The following PHF20 variants were observed in gnomAD, a reference collection of about 807,000 sequenced individuals.
The protein encoded by PHF20 is glioma-expressed antigen 2.
PHF20 carries 23 observed loss-of-function variants against 113.5 expected under a neutral mutation model. That is an observed-to-expected ratio of 0.20 (90% CI 0.15 to 0.29). PHF20 has a LOEUF of 0.29. Ranked by LOEUF, PHF20 falls within the 10% of genes least tolerant of loss-of-function variation. PHF20 has a pLI of 1.00. For synonymous variants in PHF20, 434 were observed against 457.3 expected (o/e 0.95, Z 0.65); for missense variants, 943 against 1,219.6 (o/e 0.77, Z 3.38).
At chr20:35,823,579 A>T (rs2042210197) in intron 2 of PHF20, among the ~76,000 whole-genome samples, 1 of 137,250 alleles carries the variant, frequency 7.3e-6, no homozygotes, top group Non-Finnish European at 1.5e-5. Context: ...GCAAGCTGTG[A>T]TTGTACCGCT....
Position 35,842,565 on chromosome 20 carries a change from TGA to T in PHF20, c.84-7_84-6del. On this transcript the variant is annotated splice_polypyrimidine_tract_variant and splice_region_variant and intron_variant, in intron 2 of 17. Transcript: ENST00000374012. The stretch of plus-strand genomic sequence containing the variant: ...AAAGGAATGCCAATTTTTTTTTTTC[TGA>T]CTCAGGTATCCAGCTCACATAGAAG... 6.3e-7 allele frequency: 1 copy of T among 1,596,656 alleles called. No individual in the cohort carries two copies. The highest frequency in any genetic ancestry group is 1.8e-5 in the Admixed American group (1 of 54,630).
intron 1 of PHF20, among the ~76,000 whole-genome samples, chr20:35,795,777 C>T (rs943271035): frequency 6.6e-6 from 1 of 152,044 alleles, no homozygotes; most frequent in Non-Finnish European, 1.5e-5. Context: ...TTTTCCTCAT[C>T]TTTATAATGG....
intron 7 of PHF20, among the ~76,000 whole-genome samples, chr20:35,870,303 C>CAA (rs1174014648): frequency 6.6e-4 from 35 of 53,132 alleles, no homozygotes; most frequent in East Asian, 7.1e-4. Context: ...GACTCCGTCT[C>CAA]AAAAAAAAAA....
chr20:35,881,617 G>T (rs76827656), intron 9 of PHF20, among the ~76,000 whole-genome samples: 1 of 151,550 alleles, frequency 6.6e-6, no homozygotes, highest in African/African-American at 2.4e-5. Flanking sequence ...CATTACCACA[G>T]TATAATTTTC....
At chr20:35,941,070 C>T in intron 17 of PHF20, 23 bp downstream of exon 17, 1 of 1,602,932 alleles carries the variant, frequency 6.2e-7, no homozygotes, top group Non-Finnish European at 8.5e-7. Flanking sequence ...CATTGGCCCC[C>T]TGTGCATTGG....
chr20:35,859,596 G>A lies in PHF20; in HGVS notation c.420+1215G>A, dbSNP rs2054178893. On this transcript the variant is annotated intron_variant, in intron 5 of 17. Coordinates refer to ENST00000374012, the MANE Select transcript of PHF20 (RefSeq NM_016436.5). Reference sequence around the variant, plus strand: ...GTCTTGTTCTGTTGCCTGGGCTGGTGTGCAGTGGCGCAATCTTGGCCCACT... The same window carrying A: ...GTCTTGTTCTGTTGCCTGGGCTGGTATGCAGTGGCGCAATCTTGGCCCACT... 5.3e-5 allele frequency among the ~76,000 whole-genome samples: 8 copies of A among 151,096 alleles called. No homozygotes were observed. The South Asian group carries it at 1.7e-3, about 32-fold the overall frequency.
intron 5 of PHF20, among the ~76,000 whole-genome samples, chr20:35,859,373 T>C (rs2054174637): frequency 6.6e-6 from 1 of 152,178 alleles, no homozygotes; most frequent in Non-Finnish European, 1.5e-5. Context: ...AATTTGGATA[T>C]TAGTCTTTTT....
intron 6 of PHF20, among the ~76,000 whole-genome samples, 160 bp from the exon 7 acceptor site, chr20:35,869,278 T>C (rs1266056257): frequency 6.6e-6 from 1 of 152,142 alleles, no homozygotes; most frequent in Admixed American, 6.6e-5. Flanking sequence ...CTCATTTTAC[T>C]TTTTTTCTTT....
At position 35,863,217 on chromosome 20, in the gene PHF20, T is replaced by A; in HGVS notation, c.625T>A (p.Ser209Thr). 1 of 1,613,922 alleles carries A rather than the reference T, an allele frequency of 6.2e-7. No homozygotes were observed. Among genetic ancestry groups the A allele is most frequent in the Non-Finnish European group, 8.5e-7 (1 of 1,179,986 alleles). The stretch of plus-strand genomic sequence containing the variant: ...AATCTGTTCTGAAAAGGGGAAAGTG[T>A]CAGAGAAAAGTCTTCCCAAGAACGA... ...KLICSEKGKVSEKSLPKNEKE... is the reference protein window; with the variant it reads ...KLICSEKGKVTEKSLPKNEKE... Residue 209 changes from serine to threonine, a missense_variant, in exon 6 of 18, where the codon TCA (serine) becomes ACA (threonine). Transcript: ENST00000374012.
chr20:35,887,937 T>TC (rs2147029841), intron 9 of PHF20: 1 of 148,982 alleles, frequency 6.7e-6, no homozygotes, highest in Non-Finnish European at 1.5e-5. Context: ...CTCCACACCC[T>TC]CCCCCGAAAA....
intron 1 of PHF20, among the ~76,000 whole-genome samples, chr20:35,793,913 T>C (rs779871948): frequency 4.1e-5 from 6 of 148,008 alleles, no homozygotes; most frequent in Non-Finnish European, 8.9e-5. Context: ...CAGGAGATGC[T>C]TGAACCTGGG....
intron 9 of PHF20, among the ~76,000 whole-genome samples, chr20:35,876,191 C>G (rs1046915765): frequency 6.6e-6 from 1 of 151,732 alleles, no homozygotes; most frequent in African/African-American, 2.4e-5. Flanking sequence ...TGAGCTTGAG[C>G]CAAGAGGAAT....
intron 6 of PHF20, among the ~76,000 whole-genome samples, chr20:35,863,683 G>A (rs2235991): frequency 6.6e-4 from 101 of 152,260 alleles, no homozygotes; most frequent in East Asian, 6.4e-3. Flanking sequence ...ATAAACCGAG[G>A]CCTTTTGCTT....
chr20:35,877,237 C>T (rs1333043295), intron 9 of PHF20, among the ~76,000 whole-genome samples: 4 of 138,548 alleles, frequency 2.9e-5, no homozygotes, highest in African/African-American at 1.1e-4. Flanking sequence ...TTGCAGTTTG[C>T]CGAGATCGTG....
At chr20:35,829,783 C>G (rs2042327078) in intron 2 of PHF20, among the ~76,000 whole-genome samples, 1 of 152,086 alleles carries the variant, frequency 6.6e-6, no homozygotes, top group Non-Finnish European at 1.5e-5. Context: ...TTGCATGAGC[C>G]CAGGAGTTTG....
chr20:35,813,008 G>A (rs976031790), intron 2 of PHF20, among the ~76,000 whole-genome samples: 9 of 151,984 alleles, frequency 5.9e-5, no homozygotes, highest in South Asian at 2.1e-4. Flanking sequence ...TCCCTCTGTC[G>A]CCCAGGCTGG....
At chr20:35,805,354 T>TTCATTA (rs776924388) in intron 2 of PHF20, among the ~76,000 whole-genome samples, 1 of 125,196 alleles carries the variant, frequency 8.0e-6, no homozygotes, top group African/African-American at 3.1e-5. Context: ...CGCCTGATTT[T>TTCATTA]TTATTATTAT....
chr20:35,867,746 C>T (rs1047305967), intron 6 of PHF20, among the ~76,000 whole-genome samples: 1 of 152,132 alleles, frequency 6.6e-6, no homozygotes, highest in African/African-American at 2.4e-5. Context: ...CCTGAAGCTA[C>T]AGGTCTTAGA....
At chr20:35,907,171 C>G (rs2055215742) in intron 10 of PHF20, among the ~76,000 whole-genome samples, 1 of 152,188 alleles carries the variant, frequency 6.6e-6, no homozygotes, top group Admixed American at 6.5e-5. Flanking sequence ...CTATTCTTTT[C>G]CCTCCTGGAA....
Sources: allele counts gnomAD v4.1 joint callset (sites outside exome capture counted in the v4.1 genomes callset), GRCh38; gene constraint gnomAD v4.1.1; transcripts MANE v1.5; gene names NCBI Gene and HGNC (gene_info 2026-07-23, HGNC 2026-07-21).